Variants in ACTL8 observed in about 807,000 individuals in gnomAD.
ACTL8 encodes actin like 8, also known as actin-like protein 8.
ACTL8 carries 3 observed loss-of-function variants against 9.3 expected under a neutral mutation model. The observed-to-expected ratio is 0.32, with a 90% CI of 0.15 to 0.83. ACTL8 has a LOEUF of 0.83. Among genes scored for constraint, ACTL8 ranks in the 40% least tolerant of loss-of-function variants. ACTL8 has a pLI of 0.57. For missense variants in ACTL8, 381 were observed against 492.2 expected (o/e 0.77, Z 2.14); for synonymous variants, 224 against 205.9 (o/e 1.09, Z -0.75).
At chr1:17,777,509 G>A (rs1265376694) in intron 1 of ACTL8, among the ~76,000 whole-genome samples, 1 of 152,212 alleles carries the variant, frequency 6.6e-6, no homozygotes, top group Non-Finnish European at 1.5e-5. Flanking sequence ...GATAGCAGGT[G>A]TGAGACGGGG....
intron 1 of ACTL8, among the ~76,000 whole-genome samples, chr1:17,813,537 T>C (rs1399908813): frequency 6.6e-6 from 1 of 152,238 alleles, no homozygotes; most frequent in South Asian, 2.1e-4. Flanking sequence ...CAAAATCTTA[T>C]TAAAGAATAA....
chr1:17,764,593 C>T (rs1248312859), intron 1 of ACTL8, among the ~76,000 whole-genome samples: 1 of 152,032 alleles, frequency 6.6e-6, no homozygotes, highest in African/African-American at 2.4e-5. Context: ...CACAGCATCT[C>T]TCATCCTGAT....
At chr1:17,811,947 A>G (rs2066395733) in intron 1 of ACTL8, among the ~76,000 whole-genome samples, 1 of 151,272 alleles carries the variant, frequency 6.6e-6, no homozygotes, top group African/African-American at 2.4e-5. Flanking sequence ...AGCTCACTGC[A>G]GCCTCTGCCT....
At chr1:17,811,961 G>T (rs1195907405) in intron 1 of ACTL8, among the ~76,000 whole-genome samples, 1 of 151,316 alleles carries the variant, frequency 6.6e-6, no homozygotes, top group Non-Finnish European at 1.5e-5. Context: ...TCTGCCTCCT[G>T]GCTTGGCCTC....
rs765972298 is a variant in ACTL8 at position 17,776,969 on chromosome 1, A to ATTT, written c.-25+21499_-25+21501dup. On this transcript the variant is annotated intron_variant, in intron 1 of 2. Transcript: ENST00000375406. ...CATCCACCACCGTTCCTGGCTAATG[A>ATTT]TTTTTTTTTTTTTTTTTTTTTTTTT... 3.0e-3 allele frequency among the ~76,000 whole-genome samples: 150 copies of ATTT among 50,548 alleles called. 29 individuals are homozygous for ATTT. Among genetic ancestry groups the ATTT allele is most frequent in the African/African-American group, 2.9e-3 (37 of 12,720 alleles). The allele number at this position is 50,548 out of a possible 152,430, so 33.2% of individuals were successfully genotyped here.
Position 17,823,378 on chromosome 1 carries a change from T to A in ACTL8, c.348+22T>A. The A allele has an allele frequency of 6.3e-7, 1 of 1,595,930 alleles. No homozygotes were observed. The highest frequency in any genetic ancestry group is 8.5e-7 in the Non-Finnish European group (1 of 1,170,446). The stretch of plus-strand genomic sequence containing the variant: ...GGAGGTGAGGCCTGCCGGGGCCTGC[T>A]CCCACTCGGGAGCGGGAAACAGACT... On this transcript the variant is annotated intron_variant, in intron 2 of 2. Transcript: ENST00000375406. This position sits in a 1 kb window ranked among gnomAD's most constrained non-coding sequence, Gnocchi z 5.3.
rs577199233 is a variant in ACTL8 at position 17,821,640 on chromosome 1, T to A, written c.-24-1345T>A. Among the ~76,000 whole-genome samples the A allele has an allele frequency of 4.5e-4, 69 of 152,062 alleles. No individual in the cohort carries two copies. In the South Asian group the frequency reaches 0.014, roughly 30 times the overall value. ...ATGTTTGTGACTATTCCCTTTTTTT[T>A]CTTTTTGAGATGGAGTCTCACTCTG... On this transcript the variant is annotated intron_variant, in intron 1 of 2. Coordinates refer to ENST00000375406, the MANE Select transcript of ACTL8 (RefSeq NM_030812.3).
intron 1 of ACTL8, among the ~76,000 whole-genome samples, chr1:17,796,604 C>T (rs767376645): frequency 6.6e-6 from 1 of 152,194 alleles, no homozygotes; most frequent in South Asian, 2.1e-4. Context: ...CCCTCCACCC[C>T]CTCTGGGGTA....
intron 1 of ACTL8, among the ~76,000 whole-genome samples, chr1:17,811,741 T>C (rs1424481118): frequency 6.6e-6 from 1 of 152,240 alleles, no homozygotes; most frequent in Non-Finnish European, 1.5e-5. Context: ...GGAATTGTCC[T>C]TGTACCTTTG....
intron 1 of ACTL8, among the ~76,000 whole-genome samples, chr1:17,783,511 A>T (rs540458477): frequency 5.9e-5 from 9 of 152,294 alleles, no homozygotes; most frequent in Admixed American, 1.3e-4. Context: ...AACATTGATT[A>T]CTTAATACTT....
At position 17,825,871 on chromosome 1, in the gene ACTL8, C is replaced by G; in HGVS notation, c.453C>G (p.Gly151=). The G allele has an allele frequency of 6.2e-7, 1 of 1,614,000 alleles. No homozygotes were observed. The highest frequency in any genetic ancestry group is 8.5e-7 in the Non-Finnish European group (1 of 1,180,042). Residue 151 remains glycine, a synonymous_variant, in exon 3 of 3, where the codon GGC becomes GGG. Transcript: ENST00000375406. ...GLLTGVVVDS[G]YGLTRVQPFH... is the part of the protein sequence containing the mutation. Reference sequence around the variant, plus strand: ...TGACCGGAGTGGTGGTTGATTCTGGCTATGGCCTGACCCGCGTGCAGCCTT... The same window carrying G: ...TGACCGGAGTGGTGGTTGATTCTGGGTATGGCCTGACCCGCGTGCAGCCTT...
intron 1 of ACTL8, among the ~76,000 whole-genome samples, chr1:17,811,973 C>G (rs1012961813): frequency 6.6e-6 from 1 of 151,774 alleles, no homozygotes; most frequent in Non-Finnish European, 1.5e-5. Flanking sequence ...CTTGGCCTCC[C>G]AAGTAGCTGG....
chr1:17,768,668 G>A (rs1013154311), intron 1 of ACTL8, among the ~76,000 whole-genome samples: 2 of 152,152 alleles, frequency 1.3e-5, no homozygotes, highest in Non-Finnish European at 2.9e-5. Context: ...TGATCCGGCT[G>A]GGCCTCTAGG....
chr1:17,802,409 G>A (rs1324835224), intron 1 of ACTL8, among the ~76,000 whole-genome samples: 4 of 149,494 alleles, frequency 2.7e-5, no homozygotes, highest in South Asian at 2.1e-4. Context: ...AGCAGATCCC[G>A]GATGACTGTG....
In ACTL8 at chr1:17,816,200, C is replaced by CTTTTTTTTTTT. The variant is rs34383884; in HGVS notation, c.-24-6779_-24-6769dup. Among the ~76,000 whole-genome samples, 135 of 139,604 alleles carry CTTTTTTTTTTT rather than the reference C, an allele frequency of 9.7e-4. 3 individuals are homozygous for CTTTTTTTTTTT. The highest frequency in any genetic ancestry group is 3.6e-3 in the African/African-American group (133 of 36,822). The allele number at this position is 139,604 out of a possible 152,430, so 91.6% of individuals were successfully genotyped here. A position where few individuals can be genotyped will look rare whatever the true frequency, so the allele number is the denominator to read the frequency against. ...GCAATAGAACTCAAAATATTAATAG[C>CTTTTTTTTTTT]TTTTTTTTTTTTTTTTGAGACCAGG... is the stretch of plus-strand genomic sequence containing the variant. On this transcript the variant is annotated intron_variant, in intron 1 of 2. Transcript: ENST00000375406.
intron 1 of ACTL8, among the ~76,000 whole-genome samples, chr1:17,761,576 C>G (rs572382582): frequency 1.7e-3 from 265 of 151,816 alleles, no homozygotes; most frequent in African/African-American, 5.9e-3. Flanking sequence ...CAAACTTGTT[C>G]TGTTTTTTTT....
In ACTL8 at chr1:17,767,879, C is replaced by G. The variant is rs1171046966; in HGVS notation, c.-25+12375C>G. On this transcript the variant is annotated intron_variant, in intron 1 of 2. Coordinates refer to ENST00000375406, the MANE Select transcript of ACTL8 (RefSeq NM_030812.3). This position sits in a 1 kb window ranked among gnomAD's most constrained non-coding sequence, Gnocchi z 4.7. ...AAGCAGGTGGCAGTGTGGCTTTTCTCGAAAGCATGAGGCCCCAGCCTCCCT... is the reference window on the plus strand; with the variant it reads ...AAGCAGGTGGCAGTGTGGCTTTTCTGGAAAGCATGAGGCCCCAGCCTCCCT... 6.6e-6 allele frequency among the ~76,000 whole-genome samples: 1 copy of G among 152,010 alleles called. No individual in the cohort carries two copies. The highest frequency in any genetic ancestry group is 2.1e-4 in the South Asian group (1 of 4,806).
intron 1 of ACTL8, among the ~76,000 whole-genome samples, chr1:17,808,037 A>G (rs909564601): frequency 5.9e-5 from 9 of 152,244 alleles, no homozygotes; most frequent in Admixed American, 2.6e-4. Flanking sequence ...GCTGATACCC[A>G]TAAAATGAGA....
At chr1:17,808,281 A>G (rs1254699763) in intron 1 of ACTL8, among the ~76,000 whole-genome samples, 1 of 152,238 alleles carries the variant, frequency 6.6e-6, no homozygotes, top group African/African-American at 2.4e-5. Context: ...GCAGATGGCA[A>G]TAAGAGCTCA....
Sources: gnomAD v4.1 joint callset for allele counts (sites outside exome capture counted in the v4.1 genomes callset) on GRCh38, gnomAD v4.1.1 for gene constraint, Gnocchi (gnomAD v3.1) non-coding constraint, MANE v1.5 for transcripts, NCBI Gene and HGNC (gene_info 2026-07-23, HGNC 2026-07-21) for gene names.